The following DYNC1I1 variants were observed in gnomAD, a reference collection of about 807,000 sequenced individuals.
DYNC1I1 encodes cytoplasmic dynein 1 intermediate chain 1.
In DYNC1I1, 43 loss-of-function variants were observed where a neutral mutation model predicts 86.6. The observed-to-expected ratio is 0.50, with a 90% confidence interval of 0.39 to 0.64. The LOEUF (loss-of-function observed/expected upper bound fraction) is 0.64. Ranked by LOEUF, DYNC1I1 falls within the 30% of genes least tolerant of loss-of-function variation. DYNC1I1 has a pLI of 0.00. For missense variants in DYNC1I1, 604 were observed against 788.8 expected (o/e 0.77, Z 2.81); for synonymous variants, 262 against 283.7 (o/e 0.92, Z 0.77).
intron 6 of DYNC1I1, among the ~76,000 whole-genome samples, chr7:95,968,622 T>C (rs1445665267): frequency 6.6e-6 from 1 of 152,158 alleles, no homozygotes; most frequent in Non-Finnish European, 1.5e-5. Context: ...ATTTTCTTTT[T>C]CACAAGCAAG....
At chr7:95,944,491 A>C (rs1792336287) in intron 6 of DYNC1I1, among the ~76,000 whole-genome samples, 2 of 152,220 alleles carry the variant, frequency 1.3e-5, no homozygotes, top group African/African-American at 2.4e-5. Flanking sequence ...CTAGAACTAG[A>C]AATACCATCT....
chr7:95,871,049 A>T (rs567518674), intron 6 of DYNC1I1, among the ~76,000 whole-genome samples: 1 of 152,342 alleles, frequency 6.6e-6, no homozygotes, highest in East Asian at 1.9e-4. Context: ...TACCGGAAAT[A>T]TAAAAATCAG....
chr7:95,911,469 G>A (rs542533153), intron 6 of DYNC1I1, among the ~76,000 whole-genome samples: 17 of 152,256 alleles, frequency 1.1e-4, no homozygotes, highest in African/African-American at 4.1e-4. Flanking sequence ...CTGACCAGAG[G>A]TGAGAAGAAG....
intron 6 of DYNC1I1, among the ~76,000 whole-genome samples, chr7:95,881,149 T>C (rs781237404): frequency 2.0e-5 from 3 of 152,130 alleles, no homozygotes; most frequent in Non-Finnish European, 2.9e-5. Context: ...GGGAGAGGGT[T>C]ATATTCTAGG....
At chr7:96,055,103 T>TA (rs1313452455) in intron 14 of DYNC1I1, among the ~76,000 whole-genome samples, 1 of 152,178 alleles carries the variant, frequency 6.6e-6, no homozygotes, top group Non-Finnish European at 1.5e-5. Flanking sequence ...TTTTAGGTCT[T>TA]ACGTTTAAAT....
intron 6 of DYNC1I1, among the ~76,000 whole-genome samples, chr7:95,919,105 ATAAAC>A (rs1791547633): frequency 6.6e-6 from 1 of 152,228 alleles, no homozygotes; most frequent in Non-Finnish European, 1.5e-5. Flanking sequence ...TTGCTCAGTA[ATAAAC>A]TAGAGTTTTG....
chr7:95,926,456 TA>T (rs1330733655), intron 6 of DYNC1I1, among the ~76,000 whole-genome samples: 2 of 152,178 alleles, frequency 1.3e-5, no homozygotes, highest in Non-Finnish European at 2.9e-5. Context: ...ATATCTATTT[TA>T]TACACATGCA....
chr7:95,996,208 C>T (rs1262016385), intron 10 of DYNC1I1, 135 bp downstream of exon 10: 1 of 1,333,942 alleles, frequency 7.5e-7, no homozygotes, highest in Non-Finnish European at 1.0e-6. Flanking sequence ...TGGAAAATTC[C>T]CCCACAGTAA....
At chr7:95,987,266 G>GT (rs1339584739) in intron 9 of DYNC1I1, 111 bp downstream of exon 9, 11 of 924,192 alleles carry the variant, frequency 1.2e-5, no homozygotes, top group Non-Finnish European at 1.7e-5. Context: ...ATGCCTGTTG[G>GT]TTTTTTTCCC....
chr7:95,984,442 A>G (rs991403126), intron 7 of DYNC1I1, among the ~76,000 whole-genome samples: 1 of 152,196 alleles, frequency 6.6e-6, no homozygotes, highest in Non-Finnish European at 1.5e-5. Context: ...GTACAATAGC[A>G]TAATAGCATA....
chr7:95,888,826 G>T lies in DYNC1I1; in HGVS notation c.490+18828G>T, dbSNP rs10281621. 2.1e-3 allele frequency among the ~76,000 whole-genome samples: 326 copies of T among 152,234 alleles called. 4 individuals carry two copies. Among genetic ancestry groups the T allele is most frequent in the African/African-American group, 7.6e-3 (316 of 41,522 alleles). ...CTGGGCACAAAATAGCCAGAAAAGCGTCTGTCTTCTCAATTGAACTGATTT... is the reference window on the plus strand; with the variant it reads ...CTGGGCACAAAATAGCCAGAAAAGCTTCTGTCTTCTCAATTGAACTGATTT... On this transcript the variant is annotated intron_variant, in intron 6 of 16. Coordinates refer to ENST00000447467, the MANE Select transcript of DYNC1I1 (RefSeq NM_001135556.2).
At chr7:95,900,980 G>C (rs965905746) in intron 6 of DYNC1I1, among the ~76,000 whole-genome samples, 1 of 152,150 alleles carries the variant, frequency 6.6e-6, no homozygotes, top group Non-Finnish European at 1.5e-5. Context: ...TTCTTATTTG[G>C]TTGTTTCTTG....
chr7:95,916,460 T>C (rs181138982), intron 6 of DYNC1I1, among the ~76,000 whole-genome samples: 84 of 152,354 alleles, frequency 5.5e-4, no homozygotes, highest in African/African-American at 1.9e-3. Flanking sequence ...TTGTTTAATA[T>C]TTGAATATGT....
At chr7:95,954,635 C>T (rs916141177) in intron 6 of DYNC1I1, among the ~76,000 whole-genome samples, 1 of 151,998 alleles carries the variant, frequency 6.6e-6, no homozygotes, top group African/African-American at 2.4e-5. Context: ...GGACAATGGG[C>T]CGGGCATGGT....
At position 95,937,898 on chromosome 7, in the gene DYNC1I1, T is replaced by C. The variant is rs190264274; in HGVS notation, c.491-39614T>C. ...ACTGCTAACACCTTGATGTTTGCCA[T>C]GTATGTATAATATATACTTATATAT... On this transcript the variant is annotated intron_variant, in intron 6 of 16. Transcript: ENST00000447467. Among the ~76,000 whole-genome samples, 5 of 152,204 alleles carry C rather than the reference T, an allele frequency of 3.3e-5. No homozygotes were observed. In the East Asian group the frequency reaches 9.6e-4, roughly 29 times the overall value.
At chr7:95,870,082 A>G in intron 6 of DYNC1I1, 84 bp downstream of exon 6, 1 of 1,189,584 alleles carries the variant, frequency 8.4e-7, no homozygotes, top group Non-Finnish European at 1.2e-6. Context: ...ATTTCCTCTT[A>G]CCATAAGAGC....
intron 5 of DYNC1I1, among the ~76,000 whole-genome samples, chr7:95,855,452 T>C (rs1231358287): frequency 6.6e-6 from 1 of 152,190 alleles, no homozygotes; most frequent in Non-Finnish European, 1.5e-5. Flanking sequence ...TGGAGACCAT[T>C]GATCATCCTG....
intron 4 of DYNC1I1, among the ~76,000 whole-genome samples, chr7:95,814,200 G>T (rs569748823): frequency 6.6e-6 from 1 of 152,194 alleles, no homozygotes; most frequent in African/African-American, 2.4e-5. Flanking sequence ...CAATTTTTCC[G>T]CATTTTCCAG....
At chr7:95,892,250 C>T (rs1460664888) in intron 6 of DYNC1I1, among the ~76,000 whole-genome samples, 2 of 152,080 alleles carry the variant, frequency 1.3e-5, no homozygotes, top group African/African-American at 2.4e-5. Context: ...AATTCTCCTG[C>T]CTCAGCCTCC....
Sources: gnomAD v4.1 joint callset for allele counts (sites outside exome capture counted in the v4.1 genomes callset) on GRCh38, gnomAD v4.1.1 for gene constraint, MANE v1.5 for transcripts, NCBI Gene and HGNC (gene_info 2026-07-23, HGNC 2026-07-21) for gene names.